Variants in ZSCAN25 observed in about 807,000 individuals in gnomAD.
The protein encoded by ZSCAN25 is zinc finger and SCAN domain-containing protein 25.
Under a neutral mutation model 38.7 loss-of-function variants are expected in ZSCAN25, and 27 were observed. The ratio of observed to expected loss-of-function variants is 0.70; its 90% CI spans 0.51 to 0.96. The LOEUF is 0.96. Among genes scored for constraint, ZSCAN25 ranks in the 40% least tolerant of loss-of-function variants. The pLI, the probability that ZSCAN25 is intolerant of heterozygous loss-of-function variation, is 0.00. For missense variants in ZSCAN25, 637 were observed against 705.9 expected (o/e 0.90, Z 1.11); for synonymous variants, 273 against 277.7 (o/e 0.98, Z 0.17).
the ZSCAN25 span, chr7:99,663,218 T>G: frequency 9.3e-7 from 1 of 1,070,658 alleles, no homozygotes; most frequent in African/African-American, 1.7e-5. Flanking sequence ...CAGGAAGAAG[T>G]ACTGGATCTT....
At chr7:99,719,151 T>G in the ZSCAN25 span, among the ~76,000 whole-genome samples, 1 of 152,180 alleles carries the variant, frequency 6.6e-6, no homozygotes, top group South Asian at 2.1e-4. Flanking sequence ...GAGAGACTCA[T>G]TCTGAATTTT....
At position 99,619,948 on chromosome 7, in the gene ZSCAN25, C is replaced by T. The variant is rs1254755681; in HGVS notation, c.342C>T (p.Ala114=). ...GCCCAGAGAGTGGCAAGGCCCTGGC[C>T]GCCATGGTGGAGGACCTGACAGAAA... ...EHGPESGKAL[A]AMVEDLTERA... Residue 114 remains alanine (A), a synonymous_variant, in exon 4 of 8, where the codon GCC becomes GCT. Transcript: ENST00000394152. 7.4e-6 allele frequency: 12 copies of T among 1,613,990 alleles called. No homozygotes were observed. Among genetic ancestry groups the T allele is most frequent in the Admixed American group, 5.0e-5 (3 of 60,016 alleles).
At chr7:99,684,118 A>G in the ZSCAN25 span, among the ~76,000 whole-genome samples, 1 of 152,092 alleles carries the variant, frequency 6.6e-6, no homozygotes, top group Non-Finnish European at 1.5e-5. Context: ...TAATAATATA[A>G]TAAGGGATTC....
the ZSCAN25 span, chr7:99,666,624 T>A: frequency 1.2e-6 from 2 of 1,613,904 alleles, no homozygotes; most frequent in Non-Finnish European, 1.7e-6. Flanking sequence ...CAGGCTTGCC[T>A]TTCTCTGCTT....
the ZSCAN25 span, chr7:99,648,501 A>T: frequency 1.7e-5 from 12 of 700,870 alleles, no homozygotes; most frequent in Non-Finnish European, 2.5e-5. Context: ...CTTTGCAAGC[A>T]TATAAAAACG....
chr7:99,699,307 T>C, the ZSCAN25 span, among the ~76,000 whole-genome samples: 1 of 152,066 alleles, frequency 6.6e-6, no homozygotes, highest in Admixed American at 6.6e-5. Flanking sequence ...CATTGCAAGG[T>C]AAATAGTTCT....
the ZSCAN25 span, chr7:99,674,550 C>G: frequency 1.2e-6 from 2 of 1,613,742 alleles, no homozygotes; most frequent in Non-Finnish European, 1.7e-6. Context: ...TTTTTCCATA[C>G]TTTTTATAGC....
the ZSCAN25 span, among the ~76,000 whole-genome samples, chr7:99,691,914 T>C: frequency 6.6e-6 from 1 of 152,218 alleles, no homozygotes; most frequent in African/African-American, 2.4e-5. Flanking sequence ...AATATTGATA[T>C]GTGTGAATTT....
At chr7:99,687,795 G>A in the ZSCAN25 span, among the ~76,000 whole-genome samples, 5 of 152,304 alleles carry the variant, frequency 3.3e-5, no homozygotes, top group East Asian at 9.7e-4. Context: ...CCCACAAAGG[G>A]AAGCCCATCA....
chr7:99,621,708 C>A, intron 5 of ZSCAN25, 134 bp downstream of exon 5: 1 of 665,498 alleles, frequency 1.5e-6, no homozygotes, highest in Non-Finnish European at 2.2e-6. Context: ...TGGCTACTTC[C>A]TCCACCTTAG....
the ZSCAN25 span, among the ~76,000 whole-genome samples, chr7:99,722,733 G>T: frequency 2.6e-5 from 4 of 152,190 alleles, no homozygotes; most frequent in Non-Finnish European, 5.9e-5. Flanking sequence ...AGCGCCAGAA[G>T]GGAACGTGCA....
the ZSCAN25 span, chr7:99,713,366 G>T: frequency 6.5e-7 from 1 of 1,534,906 alleles, no homozygotes; most frequent in South Asian, 1.1e-5. Flanking sequence ...TCTGCTATGT[G>T]GCAGAAATTC....
the ZSCAN25 span, chr7:99,713,574 C>G: frequency 1.2e-6 from 2 of 1,612,276 alleles, no homozygotes; most frequent in African/African-American, 1.3e-5. Context: ...CAGAAAGTGA[C>G]TCGTGAAGTC....
At chr7:99,685,332 A>G in the ZSCAN25 span, 1 of 1,494,530 alleles carries the variant, frequency 6.7e-7, no homozygotes, top group East Asian at 2.3e-5. Flanking sequence ...CTGACTATGC[A>G]CATAGTTTGT....
the ZSCAN25 span, chr7:99,647,448 C>T: frequency 1.6e-5 from 16 of 971,892 alleles, no homozygotes; most frequent in Non-Finnish European, 2.0e-5. Context: ...AATCAACTGA[C>T]GAATTGACAA....
chr7:99,665,104 G>A, the ZSCAN25 span: 1 of 1,357,724 alleles, frequency 7.4e-7, no homozygotes, highest in Middle Eastern at 1.9e-4. Flanking sequence ...TACGATATGT[G>A]AATTATATGT....
the ZSCAN25 span, chr7:99,709,194 C>A: frequency 6.2e-7 from 1 of 1,613,996 alleles, no homozygotes; most frequent in Non-Finnish European, 8.5e-7. Flanking sequence ...TGGGAATAAT[C>A]TGAGTGTTTC....
At chr7:99,727,463 A>T in the ZSCAN25 span, among the ~76,000 whole-genome samples, 18 of 152,198 alleles carry the variant, frequency 1.2e-4, no homozygotes, top group Admixed American at 5.9e-4. Context: ...AGTCTCCCAC[A>T]ATTACCATTG....
the ZSCAN25 span, chr7:99,714,457 T>C: frequency 6.5e-7 from 1 of 1,549,848 alleles, no homozygotes; most frequent in East Asian, 2.3e-5. Context: ...TGTTAAAATC[T>C]TTCTCTAAAA....
Sources: gnomAD v4.1 joint callset for allele counts (sites outside exome capture counted in the v4.1 genomes callset) on GRCh38, gnomAD v4.1.1 for gene constraint, MANE v1.5 for transcripts, NCBI Gene and HGNC (gene_info 2026-07-23, HGNC 2026-07-21) for gene names.